The following RFX7 variants were observed in gnomAD, a reference collection of about 807,000 sequenced individuals.
RFX7 encodes the protein regulatory factor X7, also known as DNA-binding protein RFX7.
Under a neutral mutation model 111.8 loss-of-function variants are expected in RFX7, and 26 were observed. That is an observed-to-expected ratio of 0.23 (90% CI 0.17 to 0.32). The LOEUF is 0.32. RFX7 is among the 10% of genes least tolerant of loss of function. The pLI is 1.00. For missense variants in RFX7, 1,573 were observed against 1,772.9 expected (o/e 0.89, Z 2.02); for synonymous variants, 624 against 624.4 (o/e 1.00, Z 0.01).
intron 5 of RFX7, among the ~76,000 whole-genome samples, chr15:56,128,629 C>T (rs2042175226): frequency 6.6e-6 from 1 of 152,036 alleles, no homozygotes; most frequent in Non-Finnish European, 1.5e-5. Context: ...GAAAGCTTTC[C>T]TCTTTGTATC....
chr15:56,129,456 G>T (rs2042185438), intron 5 of RFX7, among the ~76,000 whole-genome samples: 2 of 151,594 alleles, frequency 1.3e-5, no homozygotes. Flanking sequence ...TGTAATCAAA[G>T]TATTATAAAA....
intron 5 of RFX7, among the ~76,000 whole-genome samples, chr15:56,141,562 T>C (rs775006714): frequency 6.6e-6 from 1 of 150,674 alleles, no homozygotes; most frequent in Non-Finnish European, 1.5e-5. Context: ...CTGATTTCTA[T>C]AACCTTTTAC....
intron 5 of RFX7, among the ~76,000 whole-genome samples, chr15:56,117,510 TC>T (rs749740106): frequency 5.9e-5 from 9 of 152,170 alleles, no homozygotes; most frequent in Non-Finnish European, 1.2e-4. Flanking sequence ...ACATTCAATA[TC>T]CTCCGCACTA....
chr15:56,173,221 T>C (rs918604230), intron 3 of RFX7, among the ~76,000 whole-genome samples: 1 of 149,350 alleles, frequency 6.7e-6, no homozygotes, highest in African/African-American at 2.4e-5. Flanking sequence ...CTAAACTGTA[T>C]ATATGTAGAT....
intron 5 of RFX7, among the ~76,000 whole-genome samples, chr15:56,141,189 A>G (rs1401779318): frequency 2.0e-5 from 3 of 152,046 alleles, no homozygotes; most frequent in Non-Finnish European, 4.4e-5. Context: ...ACAAAAAACA[A>G]AAACAAAAGT....
intron 2 of RFX7, among the ~76,000 whole-genome samples, chr15:56,231,933 C>G (rs2043563260): frequency 6.6e-6 from 1 of 152,228 alleles, no homozygotes; most frequent in African/African-American, 2.4e-5. Context: ...AATTTTAAAG[C>G]TCCAAAATGA....
At chr15:56,104,107 G>A (rs559194669) in intron 5 of RFX7, among the ~76,000 whole-genome samples, 9 of 152,190 alleles carry the variant, frequency 5.9e-5, no homozygotes, top group South Asian at 2.1e-4. Flanking sequence ...AACATGATAT[G>A]TTTGAACTAA....
chr15:56,183,513 C>A (rs2042999873), intron 2 of RFX7, among the ~76,000 whole-genome samples: 2 of 152,162 alleles, frequency 1.3e-5, no homozygotes, highest in South Asian at 4.1e-4. Flanking sequence ...TTTTATTATA[C>A]TAAATTTCTG....
intron 3 of RFX7, among the ~76,000 whole-genome samples, chr15:56,157,353 T>C (rs2042665409): frequency 6.6e-6 from 1 of 152,194 alleles, no homozygotes; most frequent in South Asian, 2.1e-4. Flanking sequence ...TTTTCATGTG[T>C]GGGCCTTTAA....
chr15:56,115,578 T>C (rs61176298), intron 5 of RFX7, among the ~76,000 whole-genome samples: 5,077 of 152,264 alleles, frequency 0.033, 310 homozygotes, highest in African/African-American at 0.11. Context: ...ACTCTACATA[T>C]AGTATGAGCT....
intron 3 of RFX7, among the ~76,000 whole-genome samples, chr15:56,145,426 T>A (rs2042455291): frequency 6.6e-6 from 1 of 152,212 alleles, no homozygotes; most frequent in Non-Finnish European, 1.5e-5. Flanking sequence ...CTTAGTCTTA[T>A]CAGAAGATAT....
At chr15:56,109,604 C>A (rs1459652452) in intron 5 of RFX7, among the ~76,000 whole-genome samples, 1 of 151,266 alleles carries the variant, frequency 6.6e-6, no homozygotes, top group Non-Finnish European at 1.5e-5. Flanking sequence ...AAGTGAGGAG[C>A]GCCTCTTCCC....
intron 2 of RFX7, among the ~76,000 whole-genome samples, chr15:56,227,433 A>C (rs956182798): frequency 3.9e-5 from 6 of 152,046 alleles, no homozygotes; most frequent in Admixed American, 1.3e-4. Context: ...TGTTGTTTCC[A>C]TTTCTCTTTT....
intron 5 of RFX7, among the ~76,000 whole-genome samples, chr15:56,109,427 C>G (rs1359032360): frequency 1.8e-4 from 28 of 151,870 alleles, no homozygotes; most frequent in African/African-American, 6.6e-4. Context: ...CTGCCTTGGC[C>G]TCCCAAAGTG....
At chr15:56,186,046 T>C (rs1258144161) in intron 2 of RFX7, among the ~76,000 whole-genome samples, 1 of 152,188 alleles carries the variant, frequency 6.6e-6, no homozygotes, top group African/African-American at 2.4e-5. Flanking sequence ...TTAGAGTCCT[T>C]GTACCAGAAG....
At chr15:56,231,724 A>G (rs1443164009) in intron 2 of RFX7, among the ~76,000 whole-genome samples, 2 of 152,130 alleles carry the variant, frequency 1.3e-5, no homozygotes, top group Non-Finnish European at 2.9e-5. Flanking sequence ...CATTAACTCA[A>G]AAGTCCACTG....
intron 9 of RFX7, among the ~76,000 whole-genome samples, chr15:56,096,877 C>T (rs983427967): frequency 6.6e-6 from 1 of 152,182 alleles, no homozygotes; most frequent in African/African-American, 2.4e-5. Context: ...AAAAGCTTCA[C>T]ACCTGTGATG....
intron 2 of RFX7, among the ~76,000 whole-genome samples, chr15:56,180,686 G>A (rs1211881270): frequency 6.7e-6 from 1 of 148,852 alleles, no homozygotes; most frequent in Non-Finnish European, 1.5e-5. Flanking sequence ...CAGGTGGATT[G>A]CCTTGGCTCA....
chr15:56,134,210 T>G (rs1385943597), intron 5 of RFX7, among the ~76,000 whole-genome samples: 2 of 152,132 alleles, frequency 1.3e-5, no homozygotes, highest in African/African-American at 2.4e-5. Flanking sequence ...GTCACTTAAC[T>G]TCTCTAGGTT....
Sources: allele counts gnomAD v4.1 joint callset (sites outside exome capture counted in the v4.1 genomes callset), GRCh38; gene constraint gnomAD v4.1.1; transcripts MANE v1.5; gene names NCBI Gene and HGNC (gene_info 2026-07-23, HGNC 2026-07-21).